MRPL38: variants seen among roughly 807,000 people sequenced by gnomAD.
MRPL38 encodes the protein large ribosomal subunit protein mL38.
Under a neutral mutation model 52.1 loss-of-function variants are expected in MRPL38, and 51 were observed. The observed-to-expected ratio is 0.98, with a 90% confidence interval of 0.78 to 1.24. The LOEUF (loss-of-function observed/expected upper bound fraction) is 1.24, where lower values mean the gene tolerates loss of function less well. Among genes scored for constraint, MRPL38 ranks in the 50% most tolerant of loss-of-function variants. The pLI is 0.00. For synonymous variants in MRPL38, 245 were observed against 212.7 expected, an observed-to-expected ratio of 1.15 and a Z score of -1.32; for missense variants, 527 against 518.6, an observed-to-expected ratio of 1.02 and a Z score of -0.16.
chr17:75,902,151 G>T lies in MRPL38; in HGVS notation c.251C>A (p.Pro84His). The T allele has an allele frequency of 6.4e-7, 1 of 1,557,160 alleles. No individual in the cohort carries two copies. The highest frequency in any genetic ancestry group is 8.7e-7 in the Non-Finnish European group (1 of 1,150,242). Residue 84 changes from proline (P) to histidine (H), a missense_variant, in exon 3 of 9, where the codon CCC (proline) becomes CAC (histidine). By Grantham distance (77) the Pro-to-His change is moderately conservative. Coordinates refer to ENST00000309352, the MANE Select transcript of MRPL38 (RefSeq NM_032478.4). ...CAGCCCAATATCAATCTTCTCTTTG[G>T]GATCTGGAGTGGGAAGATGTGTGGG... The part of the protein sequence containing the change: ...YREYFGEKTD[P>H]KEKIDIGLPP...
chr17:75,904,768 C>CGGGGGGGGGGGGG, intron 1 of MRPL38, 41 bp downstream of exon 1: 1 of 1,056,384 alleles, frequency 9.5e-7, no homozygotes, highest in Non-Finnish European at 1.2e-6. Flanking sequence ...GCTCGGGCGA[C>CGGGGGGGGGGGGG]AGCCCCCCCC....
intron 7 of MRPL38, 92 bp from the exon 8 acceptor site, chr17:75,899,386 G>A: frequency 6.5e-7 from 1 of 1,530,478 alleles, no homozygotes; most frequent in Non-Finnish European, 8.8e-7. Context: ...AGAGGCCCCT[G>A]GGAGTCTGCT....
intron 6 of MRPL38, 22 bp downstream of exon 6, chr17:75,900,960 C>T (rs779115770): frequency 6.2e-7 from 1 of 1,608,830 alleles, no homozygotes; most frequent in Non-Finnish European, 8.5e-7. Flanking sequence ...GCACCCCCTA[C>T]CCCCAGTACT....
At chr17:75,899,845 G>A in intron 6 of MRPL38, 171 bp from the exon 7 acceptor site, 1 of 463,570 alleles carries the variant, frequency 2.2e-6, no homozygotes, top group Non-Finnish European at 3.6e-6. Context: ...GGGACATGCT[G>A]CAAATACGGG....
chr17:75,899,935 C>T, intron 6 of MRPL38: 1 of 296,468 alleles, frequency 3.4e-6, no homozygotes, highest in Non-Finnish European at 6.2e-6. Flanking sequence ...CAGCCGCTTC[C>T]AGGCCCCGGG....
At chr17:75,904,770 G>GGGGGGGGGGGGGCCCCC in intron 1 of MRPL38, 39 bp downstream of exon 1, 1 of 500,008 alleles carries the variant, frequency 2.0e-6, no homozygotes. Context: ...TCGGGCGACA[G>GGGGGGGGGGGGGCCCCC]CCCCCCCCCC....
intron 6 of MRPL38, 130 bp from the exon 7 acceptor site, chr17:75,899,804 A>T (rs1310395360): frequency 2.1e-5 from 16 of 774,818 alleles, no homozygotes; most frequent in Non-Finnish European, 2.7e-5. Flanking sequence ...CTCTCCTGGG[A>T]CAGAGGAGGC....
Position 75,898,914 on chromosome 17 carries a change from C to A in MRPL38, c.1079G>T (p.Arg360Leu). The A allele has an allele frequency of 1.9e-6, 3 of 1,611,002 alleles. No homozygotes were observed. Among genetic ancestry groups the A allele is most frequent in the Non-Finnish European group, 2.5e-6 (3 of 1,179,224 alleles). ...CCGGTCCAGGTAGCGCAGGGGCTGC[C>A]GGTGGGGGAAGCGCTTCTGCTTGGG... ...YHPKQKRFPHRQPLRYLDRYR... is the reference protein window; with the variant it reads ...YHPKQKRFPHLQPLRYLDRYR... The change falls in exon 9 of 9, where the codon CGG (arginine) becomes CTG (leucine). Residue 360 changes from arginine to leucine, a missense_variant. Arg to Leu is a moderately radical substitution (Grantham distance 102). Transcript: ENST00000309352.
At chr17:75,902,193 C>T in intron 2 of MRPL38, 39 bp from the exon 3 acceptor site, 1 of 1,545,356 alleles carries the variant, frequency 6.5e-7, no homozygotes. Context: ...AGGGTCATGA[C>T]TCACTGCAGC....
intron 2 of MRPL38, chr17:75,904,290 G>A (rs2065418343): frequency 3.0e-6 from 2 of 669,716 alleles, no homozygotes; most frequent in Non-Finnish European, 5.6e-6. Flanking sequence ...GATTTTAGGA[G>A]CAAATATTTT....
chr17:75,900,891 G>A, intron 6 of MRPL38, 91 bp downstream of exon 6: 3 of 1,510,990 alleles, frequency 2.0e-6, no homozygotes, highest in Non-Finnish European at 2.7e-6. Context: ...CCCATGGGTA[G>A]TCCATGAAAC....
At position 75,899,552 on chromosome 17, in the gene MRPL38, G is replaced by A. The variant is rs781434507; in HGVS notation, c.833C>T (p.Pro278Leu). The A allele has an allele frequency of 1.3e-5, 21 of 1,603,986 alleles. No individual in the cohort carries two copies. Among genetic ancestry groups the A allele is most frequent in the Admixed American group, 1.0e-4 (6 of 59,060 alleles). ...GCGTGCGTCCTCAGAGAAGTCAATC[G>A]GCTGGTCCTGCTTGAAGAGCAGGAA... is the stretch of plus-strand genomic sequence containing the variant. Reference protein sequence around the residue: ...LAFLLFKQDQPIDFSEDARPS... With the variant: ...LAFLLFKQDQLIDFSEDARPS... The change falls in exon 7 of 9, where the codon CCG becomes CTG. Residue 278 changes from proline to leucine, a missense_variant. Physicochemically the swap from Pro to Leu is moderately conservative, Grantham distance 98. Transcript: ENST00000309352.
At chr17:75,899,101 G>C (rs538983841) in intron 8 of MRPL38, 57 bp downstream of exon 8, 1 of 1,554,676 alleles carries the variant, frequency 6.4e-7, no homozygotes, top group East Asian at 2.3e-5. Context: ...TCCCTGGCAG[G>C]GCAGGCGAGG....
rs2065386780 is a variant in MRPL38 at position 75,898,676 on chromosome 17, C to T, written c.*174G>A. The T allele has an allele frequency of 1.5e-6, 1 of 684,496 alleles. No homozygotes were observed. Among genetic ancestry groups the T allele is most frequent in the Admixed American group, 2.8e-5 (1 of 35,108 alleles). 42.4% of individuals were successfully genotyped at this position (684,496 alleles called of 1,614,324 possible). Reference sequence around the variant, plus strand: ...AGAAATCATGTTTATTCACATTCCCCACCCCACCACCTGAGAGTCACTTTC... The same window carrying T: ...AGAAATCATGTTTATTCACATTCCCTACCCCACCACCTGAGAGTCACTTTC... On this transcript the variant is annotated 3_prime_UTR_variant, in exon 9 of 9. Coordinates refer to ENST00000309352, the MANE Select transcript of MRPL38 (RefSeq NM_032478.4).
chr17:75,899,330 T>C, intron 7 of MRPL38, 36 bp from the exon 8 acceptor site: 1 of 1,603,432 alleles, frequency 6.2e-7, no homozygotes, highest in Non-Finnish European at 8.5e-7. Context: ...GAGTGTGGAG[T>C]GGGGCACCAG....
chr17:75,904,770 G>GCCC lies in MRPL38; in HGVS notation c.67+36_67+38dup. Reference sequence around the variant, plus strand: ...CCGGCGCCCCACAGCTCGGGCGACAGCCCCCCCCCCCCCCCCCGCAGAGCT... The same window carrying GCCC: ...CCGGCGCCCCACAGCTCGGGCGACAGCCCCCCCCCCCCCCCCCCCCGCAGAGCT... On this transcript the variant is annotated intron_variant, in intron 1 of 8. Transcript: ENST00000309352. 17 of 499,984 alleles carry GCCC rather than the reference G, an allele frequency of 3.4e-5. No individual in the cohort carries two copies. The Admixed American group carries it at 3.9e-4, about 11-fold the overall frequency. 31.0% of individuals were successfully genotyped at this position (499,984 alleles called of 1,614,324 possible).
chr17:75,901,045 T>G lies in MRPL38; in HGVS notation c.665-18A>C. ...GTGCCCATCTGCACAAAAACACACCTGCTGACCACGGCCCAGCCGACCACG... is the reference window on the plus strand; with the variant it reads ...GTGCCCATCTGCACAAAAACACACCGGCTGACCACGGCCCAGCCGACCACG... On this transcript the variant is annotated intron_variant, in intron 5 of 8. Transcript: ENST00000309352. This position sits in a 1 kb window ranked among gnomAD's most constrained non-coding sequence, Gnocchi z 5.7. 6.2e-7 allele frequency: 1 copy of G among 1,610,594 alleles called. No individual in the cohort carries two copies. Among genetic ancestry groups the G allele is most frequent in the Non-Finnish European group, 8.5e-7 (1 of 1,178,770 alleles).
Position 75,901,493 on chromosome 17 carries a change from C to T in MRPL38, c.591+219G>A, listed in dbSNP as rs560172653. ...GTGCCAAGGCCGGGCCAGGAGGGCA[C>T]ACCACAGACAGCAGGCTGGTCACAG... On this transcript the variant is annotated intron_variant, in intron 4 of 8. Coordinates refer to ENST00000309352, the MANE Select transcript of MRPL38 (RefSeq NM_032478.4). This position sits in a 1 kb window ranked among gnomAD's most constrained non-coding sequence, Gnocchi z 5.7. 8.0e-5 allele frequency: 53 copies of T among 662,206 alleles called. No homozygotes were observed. In the South Asian group the frequency reaches 9.7e-4, roughly 12 times the overall value. 41.0% of individuals were successfully genotyped at this position (662,206 alleles called of 1,614,324 possible).
rs369805971 is a variant in MRPL38 at position 75,901,955 on chromosome 17, T to TG, written c.383-36dup. On this transcript the variant is annotated intron_variant, in intron 3 of 8. Transcript: ENST00000309352. The surrounding 1 kb of genome is among the most constrained non-coding windows in gnomAD (Gnocchi z 5.7). ...AATAAGGCCAGTTGGGATACGGGGG[T>TG]GGGGGGGGCAGGGACACACCCTGTA... is the stretch of plus-strand genomic sequence containing the variant. 3.6e-3 allele frequency: 2,144 copies of TG among 597,190 alleles called. 7 individuals are homozygous for TG. Among genetic ancestry groups the TG allele is most frequent in the African/African-American group, 0.022 (926 of 41,550 alleles). 37.0% of individuals were successfully genotyped at this position (597,190 alleles called of 1,614,324 possible). A position where few individuals can be genotyped will look rare whatever the true frequency, so the allele number is the denominator to read the frequency against.
Sources: allele counts gnomAD v4.1 joint callset, GRCh38; gene constraint gnomAD v4.1.1; non-coding constraint Gnocchi (gnomAD v3.1); transcripts MANE v1.5; gene names NCBI Gene and HGNC (gene_info 2026-07-23, HGNC 2026-07-21).